AGMAT: variants seen among roughly 807,000 people sequenced by gnomAD.
The protein encoded by AGMAT is guanidino acid hydrolase, mitochondrial.
In AGMAT, 37 loss-of-function variants were observed where a neutral mutation model predicts 29.3. The observed-to-expected ratio is 1.26, with a 90% CI of 0.97 to 1.66. The LOEUF is 1.66. AGMAT is among the 40% of genes most tolerant of loss of function. The pLI is 0.00. For synonymous variants in AGMAT, 199 were observed against 200.8 expected, an observed-to-expected ratio of 0.99 and a Z score of 0.08; for missense variants, 498 against 497.8, an observed-to-expected ratio of 1.00 and a Z score of 0.00.
chr1:15,580,916 G>A (rs1041525035), intron 2 of AGMAT, among the ~76,000 whole-genome samples: 4 of 148,364 alleles, frequency 2.7e-5, no homozygotes, highest in South Asian at 2.2e-4. Context: ...CGGAGGTTGC[G>A]GTGAGCCAAG....
At chr1:15,583,683 A>C (rs1639146523) in intron 1 of AGMAT, among the ~76,000 whole-genome samples, 1 of 152,198 alleles carries the variant, frequency 6.6e-6, no homozygotes, top group African/African-American at 2.4e-5. Context: ...AAGAGACTAA[A>C]TAAGTGTACT....
At chr1:15,583,751 T>C (rs1342099151) in intron 1 of AGMAT, among the ~76,000 whole-genome samples, 1 of 152,202 alleles carries the variant, frequency 6.6e-6, no homozygotes, top group Non-Finnish European at 1.5e-5. Flanking sequence ...ATTTGTAAAA[T>C]ATTTACCTTG....
chr1:15,584,613 G>T, intron 1 of AGMAT, 83 bp downstream of exon 1: 1 of 1,235,400 alleles, frequency 8.1e-7, no homozygotes. Flanking sequence ...GCCAGCAGGG[G>T]CGCCTGTCTC....
chr1:15,584,758 C>A lies in AGMAT; in HGVS notation c.210G>T (p.Gly70=). Residue 70 remains glycine, a synonymous_variant, in exon 1 of 7, where the codon GGG becomes GGT. Coordinates refer to ENST00000375826, the MANE Select transcript of AGMAT (RefSeq NM_024758.5). ...GCACCCCGATGAAGGCAGCGTCCAGCCCCTCGGGGGAGGTCTGCACCGGCA... is the reference window on the plus strand; with the variant it reads ...GCACCCCGATGAAGGCAGCGTCCAGACCCTCGGGGGAGGTCTGCACCGGCA... ...MRLPVQTSPE[G]LDAAFIGVPL... is the part of the protein sequence containing the mutation. 7.4e-7 allele frequency: 1 copy of A among 1,357,164 alleles called. No individual in the cohort carries two copies. Among genetic ancestry groups the A allele is most frequent in the Non-Finnish European group, 9.5e-7 (1 of 1,050,108 alleles). The allele number at this position is 1,357,164 out of a possible 1,614,324, so 84.1% of individuals were successfully genotyped here. A position where few individuals can be genotyped will look rare whatever the true frequency, so the allele number is the denominator to read the frequency against.
chr1:15,579,599 T>G (rs1303458567), intron 3 of AGMAT, among the ~76,000 whole-genome samples: 1 of 152,220 alleles, frequency 6.6e-6, no homozygotes, highest in East Asian at 1.9e-4. Context: ...ACCCGGGTCC[T>G]TCTGTCTCTT....
intron 3 of AGMAT, 101 bp from the exon 4 acceptor site, chr1:15,579,155 AG>A (rs1018645499): frequency 6.0e-6 from 7 of 1,164,414 alleles, no homozygotes; most frequent in Non-Finnish European, 8.4e-6. Context: ...ACAGCCAAAA[AG>A]GGGAGACCTG....
At chr1:15,576,740 C>CTTTT (rs59203066) in intron 5 of AGMAT, among the ~76,000 whole-genome samples, 6 of 35,798 alleles carry the variant, frequency 1.7e-4, no homozygotes, top group African/African-American at 1.9e-4. Flanking sequence ...GTTTAGTGTT[C>CTTTT]TTTTTTTTTT....
chr1:15,578,944 C>T lies in AGMAT; in HGVS notation c.635G>A (p.Gly212Asp). The T allele has an allele frequency of 5.6e-6, 9 of 1,614,158 alleles. No individual in the cohort carries two copies. The highest frequency in any genetic ancestry group is 1.1e-5 in the South Asian group (1 of 91,084). ...GAPFRRCVDE[G>D]LLDCKRVVQI... ...CACCACACGCTTACAGTCCAGGAGACCCTCATCCACACACCGGCGGAAGGG... is the reference window on the plus strand; with the variant it reads ...CACCACACGCTTACAGTCCAGGAGATCCTCATCCACACACCGGCGGAAGGG... Residue 212 changes from glycine to aspartate, a missense_variant, in exon 4 of 7, where the codon GGT becomes GAT. By Grantham distance (94) the Gly-to-Asp change is moderately conservative. Transcript: ENST00000375826.
chr1:15,581,889 TAGTGGCTACCTTACTGGAC>T (rs1182505124), intron 2 of AGMAT, among the ~76,000 whole-genome samples: 2 of 151,882 alleles, frequency 1.3e-5, no homozygotes, highest in Non-Finnish European at 2.9e-5. Context: ...CACATGTGGC[TAGTGGCTACCTTACTGGAC>T]AGCACAGACC....
chr1:15,572,120 G>A lies in AGMAT; in HGVS notation c.*1531C>T, dbSNP rs370368036. Reference sequence around the variant, plus strand: ...AGATCGGGCCACTGCACTCCAGCCTGGGGGACAGAGCGAGACTCCATCTCA... The same window carrying A: ...AGATCGGGCCACTGCACTCCAGCCTAGGGGACAGAGCGAGACTCCATCTCA... On this transcript the variant is annotated 3_prime_UTR_variant, in exon 7 of 7. Transcript: ENST00000375826. Among the ~76,000 whole-genome samples the A allele has an allele frequency of 6.7e-6, 1 of 149,162 alleles. No homozygotes were observed. The highest frequency in any genetic ancestry group is 1.5e-5 in the Non-Finnish European group (1 of 67,412).
chr1:15,584,926 CCCCGGGCCCCGGG>C lies in AGMAT; in HGVS notation c.29_41del (p.Ala10GlyfsTer46). On this transcript the variant is annotated frameshift_variant, in exon 1 of 7. Transcript: ENST00000375826. LOFTEE classifies it high-confidence loss of function. ...CGGCAGGACGCGCGCCCACGCCGGG[CCCCGGGCCCCGGG>C]CGCACCCGGACGCCAGCAGCCTCAG... The C allele has an allele frequency of 7.3e-7, 1 of 1,369,626 alleles. No individual in the cohort carries two copies. Among genetic ancestry groups the C allele is most frequent in the Non-Finnish European group, 9.3e-7 (1 of 1,069,810 alleles). 84.8% of individuals were successfully genotyped at this position (1,369,626 alleles called of 1,614,324 possible).
Position 15,578,860 on chromosome 1 carries a change from T to C in AGMAT, c.719A>G (p.Gln240Arg). The C allele has an allele frequency of 6.2e-7, 1 of 1,613,044 alleles. No individual in the cohort carries two copies. Among genetic ancestry groups the C allele is most frequent in the Non-Finnish European group, 8.5e-7 (1 of 1,179,136 alleles). ...TLDPYRYNRS[Q>R]GFRVVLAEDC... ...GGTGGGGGGCATTCGGTCTGTCACC[T>C]GGCTCCGGTTGTATCTGTAGGGATC... The change falls in exon 4 of 7, where the codon CAG becomes CGG. Residue 240 changes from glutamine to arginine, a missense_variant and splice_region_variant. By Grantham distance (43) the Gln-to-Arg change is conservative. Coordinates refer to ENST00000375826, the MANE Select transcript of AGMAT (RefSeq NM_024758.5).
intron 2 of AGMAT, among the ~76,000 whole-genome samples, chr1:15,582,854 C>T (rs954588735): frequency 1.3e-5 from 2 of 152,080 alleles, no homozygotes; most frequent in Non-Finnish European, 2.9e-5. Context: ...AAAAATTAGC[C>T]AGGCATGGTG....
intron 2 of AGMAT, among the ~76,000 whole-genome samples, 170 bp from the exon 3 acceptor site, chr1:15,580,312 T>C (rs145915469): frequency 0.014 from 2,040 of 150,632 alleles, 49 homozygotes; most frequent in African/African-American, 0.047. Context: ...TTCAAGCGAT[T>C]CTCCTGCCTC....
Position 15,571,778 on chromosome 1 carries a change from A to T in AGMAT, c.*1873T>A, listed in dbSNP as rs1233427534. Reference sequence around the variant, plus strand: ...TTGCAAGATGATGATTTGATTATGGACACATTATCAACAGAATTGAATTTG... The same window carrying T: ...TTGCAAGATGATGATTTGATTATGGTCACATTATCAACAGAATTGAATTTG... On this transcript the variant is annotated 3_prime_UTR_variant, in exon 7 of 7. Transcript: ENST00000375826. 6.6e-6 allele frequency: 1 copy of T among 152,192 alleles called. No individual in the cohort carries two copies. The highest frequency in any genetic ancestry group is 2.4e-5 in the African/African-American group (1 of 41,434). 9.4% of individuals were successfully genotyped at this position (152,192 alleles called of 1,614,324 possible). A position where few individuals can be genotyped will look rare whatever the true frequency, so the allele number is the denominator to read the frequency against.
intron 6 of AGMAT, 31 bp from the exon 7 acceptor site, chr1:15,573,755 C>T (rs780970663): frequency 6.3e-7 from 1 of 1,597,554 alleles, no homozygotes; most frequent in Non-Finnish European, 8.6e-7. Flanking sequence ...ACATGAATAC[C>T]CTGCAGACGA....
chr1:15,583,984 G>A (rs1639149504), intron 1 of AGMAT, among the ~76,000 whole-genome samples: 2 of 152,304 alleles, frequency 1.3e-5, no homozygotes, highest in African/African-American at 4.8e-5. Flanking sequence ...TGAGTCAGGT[G>A]ACATCTTCAG....
In AGMAT at chr1:15,573,567, T is replaced by C. The variant is rs1239124071; in HGVS notation, c.*84A>G. On this transcript the variant is annotated 3_prime_UTR_variant, in exon 7 of 7. Coordinates refer to ENST00000375826, the MANE Select transcript of AGMAT (RefSeq NM_024758.5). ...CAGAAAGTTTTCTTGGCATAAACTCTTTAGTTCTCAGACTGCTTACTCATA... is the reference window on the plus strand; with the variant it reads ...CAGAAAGTTTTCTTGGCATAAACTCCTTAGTTCTCAGACTGCTTACTCATA... 3 of 1,316,862 alleles carry C rather than the reference T, an allele frequency of 2.3e-6. No individual in the cohort carries two copies. The highest frequency in any genetic ancestry group is 1.7e-5 in the Admixed American group (1 of 57,202). 81.6% of individuals were successfully genotyped at this position (1,316,862 alleles called of 1,614,324 possible).
Position 15,577,755 on chromosome 1 carries a change from A to G in AGMAT, c.830T>C (p.Ile277Thr). ...GGKPIYISFD[I>T]DALDPAYAPG... ...CGCATAGGCAGGATCCAGAGCGTCA[A>G]TATCAAAGCTGATATAAATGGGTTT... The change falls in exon 5 of 7, where the codon ATT (isoleucine) becomes ACT (threonine). Residue 277 changes from isoleucine (I) to threonine (T), a missense_variant. Ile to Thr is a moderately conservative substitution (Grantham distance 89). Coordinates refer to ENST00000375826, the MANE Select transcript of AGMAT (RefSeq NM_024758.5). The G allele has an allele frequency of 1.2e-6, 2 of 1,614,216 alleles. No homozygotes were observed. Among genetic ancestry groups the G allele is most frequent in the Non-Finnish European group, 1.7e-6 (2 of 1,180,030 alleles).
Sources: gnomAD v4.1 joint callset for allele counts (sites outside exome capture counted in the v4.1 genomes callset) on GRCh38, gnomAD v4.1.1 for gene constraint, MANE v1.5 for transcripts, NCBI Gene and HGNC (gene_info 2026-07-23, HGNC 2026-07-21) for gene names.